The following PCDH19 variants were observed in gnomAD, a reference collection of about 807,000 sequenced individuals.
PCDH19 encodes the protein protocadherin-19.
In PCDH19, 6 loss-of-function variants were observed where a neutral mutation model predicts 46.2. That is an observed-to-expected ratio of 0.13 (90% confidence interval 0.07 to 0.26). The LOEUF is 0.26. Among genes scored for constraint, PCDH19 ranks in the 10% least tolerant of loss-of-function variants. The probability of loss-of-function intolerance (pLI) is 1.00; values close to 1 mark genes in which losing one functional copy is unlikely to be tolerated. For missense variants in PCDH19, 740 were observed against 972.3 expected, an observed-to-expected ratio of 0.76 and a Z score of 3.18; for synonymous variants, 481 against 415.7, an observed-to-expected ratio of 1.16 and a Z score of -1.91.
chrX:100,302,019 G>C (rs962023008), intron 5 of PCDH19, among the ~76,000 whole-genome samples: 1 of 111,509 alleles, frequency 9.0e-6, no homozygotes, highest in Admixed American at 9.5e-5. Flanking sequence ...TTAGGTAAGA[G>C]ACTATTTTGT....
At chrX:100,381,281 C>A (rs753220046) in intron 3 of PCDH19, among the ~76,000 whole-genome samples, 25 of 111,746 alleles carry the variant, frequency 2.2e-4, no homozygotes, top group African/African-American at 7.8e-4. Flanking sequence ...ATTTCACATA[C>A]CTGACTTAAA....
chrX:100,402,531 A>G lies in PCDH19; in HGVS notation c.2609T>C (p.Leu870Pro). 8.3e-7 allele frequency: 1 copy of G among 1,210,290 alleles called. No individual in the cohort carries two copies. Among genetic ancestry groups the G allele is most frequent in the Non-Finnish European group, 1.1e-6 (1 of 893,855 alleles). ...QPDLIINGVP[L>P]PETENYSFDS... ...CCACTTAGCTGCACTCACCTCAGGC[A>G]GAGGCACACCGTTGATAATCAGGTC... The change falls in exon 3 of 6, where the codon CTG becomes CCG. Residue 870 changes from leucine to proline, a missense_variant. Physicochemically the swap from Leu to Pro is moderately conservative, Grantham distance 98. Transcript: ENST00000373034.
At chrX:100,323,615 C>T (rs1322049412) in intron 5 of PCDH19, among the ~76,000 whole-genome samples, 1 of 111,283 alleles carries the variant, frequency 9.0e-6, no homozygotes, top group East Asian at 2.8e-4. Flanking sequence ...AATTGATCAG[C>T]GCTTATTCAC....
At chrX:100,346,547 C>G (rs899918324) in intron 4 of PCDH19, among the ~76,000 whole-genome samples, 6 of 111,908 alleles carry the variant, frequency 5.4e-5, no homozygotes, top group African/African-American at 1.6e-4. Flanking sequence ...CCAGAAATCA[C>G]TGGCTTAAAG....
At chrX:100,332,471 A>G (rs1166305235) in intron 5 of PCDH19, among the ~76,000 whole-genome samples, 2 of 108,241 alleles carry the variant, frequency 1.8e-5, no homozygotes, top group African/African-American at 3.4e-5. Context: ...GCAGTGAGCC[A>G]AGATCGTGCC....
At position 100,406,942 on chromosome X, in the gene PCDH19, G is replaced by A. The variant is rs779051005; in HGVS notation, c.1656C>T (p.Ile552=). ...SLQSNATVRV[I]ILDVNDNTPV... is the part of the protein sequence containing the mutation. ...GGGTGTTGTCGTTGACGTCGAGGAT[G>A]ATGACCCGCACCGTAGCGTTGCTTT... is the stretch of plus-strand genomic sequence containing the variant. The change falls in exon 1 of 6, where the codon ATC becomes ATT. Residue 552 remains isoleucine, a synonymous_variant. Coordinates refer to ENST00000373034, the MANE Select transcript of PCDH19 (RefSeq NM_001184880.2). 2 of 1,210,066 alleles carry A rather than the reference G, an allele frequency of 1.7e-6. No homozygotes were observed. Among genetic ancestry groups the A allele is most frequent in the African/African-American group, 1.7e-5 (1 of 57,206 alleles).
intron 1 of PCDH19, among the ~76,000 whole-genome samples, 184 bp downstream of exon 1, chrX:100,406,267 C>A (rs929959434): frequency 8.9e-6 from 1 of 112,106 alleles, no homozygotes; most frequent in Non-Finnish European, 1.9e-5. Context: ...TGTCTTCCAG[C>A]AAATTGTCAG....
intron 3 of PCDH19, among the ~76,000 whole-genome samples, chrX:100,380,666 A>T (rs963826133): frequency 5.3e-5 from 6 of 112,181 alleles, no homozygotes; most frequent in African/African-American, 1.6e-4. Flanking sequence ...CTGTTCTCTG[A>T]TTCTTATTCC....
At chrX:100,362,147 A>G (rs907316688) in intron 3 of PCDH19, among the ~76,000 whole-genome samples, 1 of 111,329 alleles carries the variant, frequency 9.0e-6, no homozygotes, top group Non-Finnish European at 1.9e-5. Context: ...TCCTTTCCCC[A>G]CATTGTTCTC....
At chrX:100,340,498 A>G (rs1412166177) in intron 5 of PCDH19, among the ~76,000 whole-genome samples, 1 of 112,305 alleles carries the variant, frequency 8.9e-6, no homozygotes, top group Non-Finnish European at 1.9e-5. Flanking sequence ...ATCCTGTGAC[A>G]TACTGCTAAT....
intron 5 of PCDH19, among the ~76,000 whole-genome samples, chrX:100,336,309 G>T (rs1482353805): frequency 8.9e-6 from 1 of 112,021 alleles, no homozygotes; most frequent in Non-Finnish European, 1.9e-5. Flanking sequence ...AAAGAAGGAT[G>T]TTCAGTCATG....
At chrX:100,400,620 T>C (rs1159298634) in intron 3 of PCDH19, among the ~76,000 whole-genome samples, 2 of 112,392 alleles carry the variant, frequency 1.8e-5, no homozygotes, top group Non-Finnish European at 3.8e-5. Flanking sequence ...ATAACTGAGT[T>C]TACCTAGCAC....
chrX:100,406,590 C>T lies in PCDH19; in HGVS notation c.2008G>A (p.Glu670Lys). 1 of 1,210,161 alleles carries T rather than the reference C, an allele frequency of 8.3e-7. No homozygotes were observed. The highest frequency in any genetic ancestry group is 1.1e-6 in the Non-Finnish European group (1 of 894,221). The change falls in exon 1 of 6, where the codon GAG (glutamate) becomes AAG (lysine). Residue 670 changes from glutamate (E) to lysine (K), a missense_variant. By Grantham distance (56) the Glu-to-Lys change is moderately conservative. Around this residue, in one of 5 missense-constraint regions of PCDH19, gnomAD observed 416 missense variants for 476.8 expected, o/e 0.87. Transcript: ENST00000373034. ...GACAAGTTCACAGAGCCCATTGACTCTTGGGCATCGAGAGCAGGGGACAAG... is the reference window on the plus strand; with the variant it reads ...GACAAGTTCACAGAGCCCATTGACTTTTGGGCATCGAGAGCAGGGGACAAG... ...IYLSPALDAQ[E>K]SMGSVNLSLI... is the part of the protein sequence containing the mutation.
intron 5 of PCDH19, among the ~76,000 whole-genome samples, chrX:100,297,251 T>C: frequency 9.0e-6 from 1 of 111,544 alleles, no homozygotes; most frequent in South Asian, 3.8e-4. Flanking sequence ...GATGAGGGAG[T>C]GGAGGCAGGG....
intron 5 of PCDH19, among the ~76,000 whole-genome samples, chrX:100,333,174 G>GGAGAGAGAGA (rs1555976693): frequency 3.5e-5 from 1 of 28,953 alleles, no homozygotes; most frequent in African/African-American, 1.3e-4. Flanking sequence ...AGGAAGGAAG[G>GGAGAGAGAGA]GAGAGAGAGA....
At chrX:100,363,615 T>TTATATATATATATATATA (rs60968315) in intron 3 of PCDH19, among the ~76,000 whole-genome samples, 2 of 89,589 alleles carry the variant, frequency 2.2e-5, no homozygotes, top group African/African-American at 8.4e-5. Context: ...ATGGGAAGTT[T>TTATATATATATATATATA]TATATATATA....
chrX:100,325,046 AAAAAAC>A (rs1419686453), intron 5 of PCDH19, among the ~76,000 whole-genome samples: 1 of 110,720 alleles, frequency 9.0e-6, no homozygotes, highest in Non-Finnish European at 1.9e-5. Context: ...GAAGGGAACA[AAAAAAC>A]AAAAACAAAA....
intron 5 of PCDH19, among the ~76,000 whole-genome samples, chrX:100,313,705 T>C (rs1269683297): frequency 9.0e-6 from 1 of 111,147 alleles, no homozygotes; most frequent in Non-Finnish European, 1.9e-5. Context: ...TATTAAGACA[T>C]GGCACAACTC....
At chrX:100,309,003 C>A (rs904222717) in intron 5 of PCDH19, among the ~76,000 whole-genome samples, 1 of 111,570 alleles carries the variant, frequency 9.0e-6, no homozygotes, top group Non-Finnish European at 1.9e-5. Context: ...TTTGATCCAG[C>A]AATCCCACTA....
Sources: allele counts gnomAD v4.1 joint callset (sites outside exome capture counted in the v4.1 genomes callset), GRCh38; gene constraint gnomAD v4.1.1; regional missense constraint gnomAD v4.1.1; transcripts MANE v1.5; gene names NCBI Gene and HGNC (gene_info 2026-07-23, HGNC 2026-07-21).